Variants in RBFOX1 observed in about 807,000 individuals in gnomAD.
RBFOX1 encodes RNA binding fox-1 homolog 1.
In RBFOX1, 8 loss-of-function variants were observed where a neutral mutation model predicts 57.7. The observed-to-expected ratio is 0.14, with a 90% CI of 0.08 to 0.25. The LOEUF (loss-of-function observed/expected upper bound fraction) is 0.25, where lower values mean the gene tolerates loss of function less well. Among genes scored for constraint, RBFOX1 ranks in the 10% least tolerant of loss-of-function variants. RBFOX1 has a pLI of 1.00. For missense variants in RBFOX1, 611 were observed against 548.5 expected (o/e 1.11, Z -1.14); for synonymous variants, 326 against 222.4 (o/e 1.47, Z -4.15).
chr16:7,130,241 G>A (rs771246605), intron 4 of RBFOX1, among the ~76,000 whole-genome samples: 73 of 151,956 alleles, frequency 4.8e-4, no homozygotes, highest in Admixed American at 7.9e-4. Context: ...GCCATATTTG[G>A]CCAGGCTGGT....
chr16:5,602,816 G>A (rs2047409974), downstream of RBFOX1, among the ~76,000 whole-genome samples: 1 of 152,114 alleles, frequency 6.6e-6, no homozygotes, highest in African/African-American at 2.4e-5. Flanking sequence ...TAATGTAGTT[G>A]TAATAATAGT....
intron 2 of RBFOX1, among the ~76,000 whole-genome samples, chr16:6,612,431 CTAAT>C (rs1205925333): frequency 1.3e-5 from 2 of 152,160 alleles, no homozygotes; most frequent in East Asian, 3.8e-4. Flanking sequence ...GTGCAGATCT[CTAAT>C]TACGTATATT....
At chr16:7,288,653 C>T (rs935901147) in intron 4 of RBFOX1, among the ~76,000 whole-genome samples, 2 of 152,144 alleles carry the variant, frequency 1.3e-5, no homozygotes, top group Non-Finnish European at 2.9e-5. Flanking sequence ...CCAGCCTGGC[C>T]AACATGGTGA....
chr16:7,065,801 T>G (rs963005811), intron 4 of RBFOX1, among the ~76,000 whole-genome samples: 2 of 152,212 alleles, frequency 1.3e-5, no homozygotes, highest in Non-Finnish European at 2.9e-5. Context: ...CAATATCTCC[T>G]AAATCCTCCA....
At chr16:7,232,411 C>T (rs545951420) in intron 4 of RBFOX1, among the ~76,000 whole-genome samples, 4 of 152,278 alleles carry the variant, frequency 2.6e-5, no homozygotes, top group East Asian at 1.9e-4. Flanking sequence ...AAGCTTCAAA[C>T]AAGTGAATAT....
intron 6 of RBFOX1, among the ~76,000 whole-genome samples, chr16:7,584,020 A>G (rs988021458): frequency 3.9e-5 from 6 of 152,188 alleles, no homozygotes; most frequent in Admixed American, 6.5e-5. Context: ...TCCATCTACC[A>G]TGATGTTGTG....
At chr16:6,242,067 C>A (rs1217765997) in intron 1 of RBFOX1, among the ~76,000 whole-genome samples, 2 of 152,144 alleles carry the variant, frequency 1.3e-5, no homozygotes, top group African/African-American at 2.4e-5. Flanking sequence ...GAATTCCAGG[C>A]AGCTAATGCA....
intron 4 of RBFOX1, among the ~76,000 whole-genome samples, chr16:7,326,056 C>T (rs751415078): frequency 6.6e-5 from 10 of 152,178 alleles, no homozygotes; most frequent in Non-Finnish European, 1.2e-4. Context: ...ACCAGGCACA[C>T]ATTCTGTTGT....
chr16:6,661,381 A>T (rs1188920472), intron 3 of RBFOX1, among the ~76,000 whole-genome samples: 1 of 152,170 alleles, frequency 6.6e-6, no homozygotes, highest in Non-Finnish European at 1.5e-5. Flanking sequence ...GTTTATGGCG[A>T]ATGCAAGTCC....
chr16:7,191,657 C>T (rs1567643007), intron 4 of RBFOX1, among the ~76,000 whole-genome samples: 3 of 152,160 alleles, frequency 2.0e-5, no homozygotes, highest in Non-Finnish European at 4.4e-5. Flanking sequence ...CATTACAGTG[C>T]GTGTTTCCGT....
At chr16:5,904,911 A>G (rs1416160806) in intron 4 of RBFOX1, among the ~76,000 whole-genome samples, 3 of 142,206 alleles carry the variant, frequency 2.1e-5, no homozygotes, top group Non-Finnish European at 3.0e-5. Context: ...CGGGAGGCGG[A>G]GCTTGCAGTG....
At chr16:6,876,683 C>G (rs985480907) in intron 3 of RBFOX1, among the ~76,000 whole-genome samples, 1 of 151,942 alleles carries the variant, frequency 6.6e-6, no homozygotes, top group Non-Finnish European at 1.5e-5. Flanking sequence ...TTAATCTTGG[C>G]TGGAACCAAA....
chr16:6,803,623 G>A (rs1038795707), intron 3 of RBFOX1, among the ~76,000 whole-genome samples: 2 of 152,146 alleles, frequency 1.3e-5, no homozygotes, highest in Non-Finnish European at 1.5e-5. Context: ...TTCCTAAACC[G>A]AATGGACTTT....
chr16:7,322,621 G>A (rs2096560403), intron 4 of RBFOX1, among the ~76,000 whole-genome samples: 2 of 152,132 alleles, frequency 1.3e-5, no homozygotes, highest in African/African-American at 4.8e-5. Flanking sequence ...AGTTACATGC[G>A]CAGTTTTCTG....
At chr16:6,273,812 G>T (rs894302945) in intron 1 of RBFOX1, among the ~76,000 whole-genome samples, 13 of 152,106 alleles carry the variant, frequency 8.5e-5, no homozygotes, top group Non-Finnish European at 8.8e-5. Flanking sequence ...CCATGTATCT[G>T]ACAAAGGACC....
intron 5 of RBFOX1, among the ~76,000 whole-genome samples, chr16:7,574,661 G>A (rs7205826): frequency 2.0e-5 from 3 of 151,806 alleles, no homozygotes; most frequent in Non-Finnish European, 4.4e-5. Context: ...GATCAGATGG[G>A]GCCCACCCAG....
chr16:6,268,271 T>C (rs905151233), intron 1 of RBFOX1, among the ~76,000 whole-genome samples: 4 of 152,192 alleles, frequency 2.6e-5, no homozygotes, highest in African/African-American at 9.6e-5. Context: ...GGAAACTCAT[T>C]TCCCTGCTAG....
intron 3 of RBFOX1, among the ~76,000 whole-genome samples, chr16:6,715,050 G>T (rs906024161): frequency 1.3e-5 from 2 of 152,100 alleles, no homozygotes; most frequent in African/African-American, 4.8e-5. Flanking sequence ...ATCCATATTT[G>T]GGATTAGTTT....
At chr16:5,439,618 G>A (rs927554322) in intron 1 of RBFOX1, among the ~76,000 whole-genome samples, 2 of 152,062 alleles carry the variant, frequency 1.3e-5, no homozygotes, top group Non-Finnish European at 2.9e-5. Context: ...TGGTTTGAGC[G>A]ATTGTGCAGA....
Sources: gnomAD v4.1 joint callset for allele counts (sites outside exome capture counted in the v4.1 genomes callset) on GRCh38, gnomAD v4.1.1 for gene constraint, MANE v1.5 for transcripts, NCBI Gene and HGNC (gene_info 2026-07-23, HGNC 2026-07-21) for gene names.